The following ASAP1 variants were observed in gnomAD, a reference collection of about 807,000 sequenced individuals.
The protein encoded by ASAP1 is ArfGAP with SH3 domain, ankyrin repeat and PH domain 1, also known as arf-GAP with SH3 domain, ANK repeat and PH domain-containing protein 1.
ASAP1 carries 43 observed loss-of-function variants against 145.2 expected under a neutral mutation model. The observed-to-expected ratio is 0.30, with a 90% CI of 0.23 to 0.38. The LOEUF is 0.38. Ranked by LOEUF, ASAP1 falls within the 10% of genes least tolerant of loss-of-function variation. ASAP1 has a pLI of 1.00. For synonymous variants in ASAP1, 546 were observed against 515.5 expected, an observed-to-expected ratio of 1.06 and a Z score of -0.80; for missense variants, 1,018 against 1,355.3, an observed-to-expected ratio of 0.75 and a Z score of 3.91.
At chr8:130,103,906 A>AT (rs1260567065) in intron 24 of ASAP1, among the ~76,000 whole-genome samples, 1 of 152,042 alleles carries the variant, frequency 6.6e-6, no homozygotes, top group Non-Finnish European at 1.5e-5. Flanking sequence ...TTACATCTTC[A>AT]TTTTTTTAAG....
At chr8:130,123,123 C>T (rs1426488823) in intron 18 of ASAP1, among the ~76,000 whole-genome samples, 1 of 152,168 alleles carries the variant, frequency 6.6e-6, no homozygotes, top group Non-Finnish European at 1.5e-5. Context: ...AGTATTTCAT[C>T]AGATGCCTAC....
chr8:130,206,234 A>G (rs1320003964), intron 5 of ASAP1, among the ~76,000 whole-genome samples: 1 of 152,184 alleles, frequency 6.6e-6, no homozygotes, highest in African/African-American at 2.4e-5. Flanking sequence ...AAAACTGCCA[A>G]TGATTGATGA....
chr8:130,377,196 A>T (rs537893293), intron 2 of ASAP1, among the ~76,000 whole-genome samples: 1 of 152,232 alleles, frequency 6.6e-6, no homozygotes, highest in South Asian at 2.1e-4. Context: ...CATAGGAAGG[A>T]TACAGTGAAC....
rs2097394641 is a variant in ASAP1, at chr8:130,052,404, C to G, written c.*2327G>C. 6.6e-6 allele frequency: 1 copy of G among 152,374 alleles called. No individual in the cohort carries two copies. Among genetic ancestry groups the G allele is most frequent in the Non-Finnish European group, 1.5e-5 (1 of 68,016 alleles). 9.4% of individuals were successfully genotyped at this position (152,374 alleles called of 1,614,324 possible). A position where few individuals can be genotyped will look rare whatever the true frequency, so the allele number is the denominator to read the frequency against. On this transcript the variant is annotated 3_prime_UTR_variant, in exon 30 of 30. Transcript: ENST00000518721. ...ACTTTCCCCTCTGGGGGAAAAAGAA[C>G]TAATTTGCTATTTTTTTTTCATAAG...
chr8:130,418,320 C>A (rs770470587), intron 1 of ASAP1, among the ~76,000 whole-genome samples: 7 of 152,130 alleles, frequency 4.6e-5, no homozygotes, highest in Non-Finnish European at 1.0e-4. Context: ...GAGGGCCAGG[C>A]GGGCGGATCA....
rs561204476 is a variant in ASAP1 at position 130,346,034 on chromosome 8, T to C, written c.186+11983A>G. On this transcript the variant is annotated intron_variant, in intron 3 of 29. Coordinates refer to ENST00000518721, the MANE Select transcript of ASAP1 (RefSeq NM_018482.4). Reference sequence around the variant, plus strand: ...ATATATAAAGCCCAGAGAGGTAGACTTAACCGTATTTGGAAAACTTTTTAC... The same window carrying C: ...ATATATAAAGCCCAGAGAGGTAGACCTAACCGTATTTGGAAAACTTTTTAC... Among the ~76,000 whole-genome samples the C allele has an allele frequency of 7.2e-5, 11 of 152,344 alleles. No homozygotes were observed. The East Asian group carries it at 2.1e-3, about 29-fold the overall frequency.
intron 2 of ASAP1, among the ~76,000 whole-genome samples, chr8:130,367,360 G>A (rs1033710011): frequency 6.6e-6 from 1 of 152,208 alleles, no homozygotes; most frequent in African/African-American, 2.4e-5. Context: ...TGAATGTAAA[G>A]TCCAAGTAAA....
At chr8:130,204,345 T>C (rs1816068380) in intron 5 of ASAP1, among the ~76,000 whole-genome samples, 1 of 152,130 alleles carries the variant, frequency 6.6e-6, no homozygotes. Flanking sequence ...GCCAAAAAGG[T>C]TGGGGACCGA....
intron 27 of ASAP1, among the ~76,000 whole-genome samples, chr8:130,071,838 GTA>G (rs953013539): frequency 1.3e-5 from 2 of 152,184 alleles, no homozygotes; most frequent in Non-Finnish European, 2.9e-5. Context: ...TAATGATTGT[GTA>G]TATATATGTT....
At position 130,079,978 on chromosome 8, in the gene ASAP1, G is replaced by T. The variant is rs1455362555; in HGVS notation, c.2573-7C>A. 2 of 1,613,388 alleles carry T rather than the reference G, an allele frequency of 1.2e-6. No individual in the cohort carries two copies. The highest frequency in any genetic ancestry group is 1.7e-5 in the Admixed American group (1 of 60,020). ...GATGGACCCCCATCGTTACCTACAA[G>T]GAAAACCGAAGGTGAAAAGGTATGT... On this transcript the variant is annotated splice_region_variant and splice_polypyrimidine_tract_variant and intron_variant, in intron 25 of 29. Transcript: ENST00000518721.
At chr8:130,111,454 A>AG (rs1304984893) in intron 24 of ASAP1, among the ~76,000 whole-genome samples, 1 of 152,210 alleles carries the variant, frequency 6.6e-6, no homozygotes, top group African/African-American at 2.4e-5. Context: ...TTAGAATCCC[A>AG]GGCTGAGAAC....
intron 15 of ASAP1, among the ~76,000 whole-genome samples, chr8:130,132,523 C>T (rs893389476): frequency 1.3e-5 from 2 of 152,182 alleles, no homozygotes; most frequent in Non-Finnish European, 2.9e-5. Context: ...GCCTTACCTT[C>T]CTCTTGGAAG....
chr8:130,403,160 A>G (rs946262136), intron 1 of ASAP1, among the ~76,000 whole-genome samples: 2 of 152,200 alleles, frequency 1.3e-5, no homozygotes, highest in African/African-American at 4.8e-5. Context: ...GGTCTTTGGA[A>G]AAAAATAACA....
intron 3 of ASAP1, among the ~76,000 whole-genome samples, chr8:130,292,902 G>T (rs938038504): frequency 1.3e-5 from 2 of 152,158 alleles, no homozygotes; most frequent in African/African-American, 4.8e-5. Context: ...CAGAGAAAAG[G>T]ATCTATATAA....
chr8:130,143,819 A>G (rs2097619539), intron 13 of ASAP1, among the ~76,000 whole-genome samples: 5 of 152,224 alleles, frequency 3.3e-5, no homozygotes. Context: ...CTGGAAGTGT[A>G]AAGTTGTTAG....
At chr8:130,326,025 C>T (rs2137723715) in intron 3 of ASAP1, among the ~76,000 whole-genome samples, 1 of 152,284 alleles carries the variant, frequency 6.6e-6, no homozygotes, top group Middle Eastern at 3.4e-3. Context: ...AAGTAAACTG[C>T]CATGGCGGAG....
At chr8:130,307,972 CAAAAG>C (rs1823097743) in intron 3 of ASAP1, among the ~76,000 whole-genome samples, 1 of 152,222 alleles carries the variant, frequency 6.6e-6, no homozygotes, top group Non-Finnish European at 1.5e-5. Flanking sequence ...CTTCCTTCCT[CAAAAG>C]TTGTCTCCAT....
intron 25 of ASAP1, chr8:130,084,473 G>T (rs2097488306): frequency 6.6e-6 from 1 of 152,204 alleles, no homozygotes; most frequent in Non-Finnish European, 1.5e-5. Flanking sequence ...TCCTGGGCAG[G>T]CAATGGAAGA....
chr8:130,296,225 T>C (rs1374074251), intron 3 of ASAP1, among the ~76,000 whole-genome samples: 2 of 152,198 alleles, frequency 1.3e-5, no homozygotes, highest in African/African-American at 4.8e-5. Context: ...GTCCCCACTC[T>C]GGGGATGATG....
Sources: allele counts gnomAD v4.1 joint callset (sites outside exome capture counted in the v4.1 genomes callset), GRCh38; gene constraint gnomAD v4.1.1; transcripts MANE v1.5; gene names NCBI Gene and HGNC (gene_info 2026-07-23, HGNC 2026-07-21).